Variants in CYYR1 observed in about 807,000 individuals in gnomAD.
CYYR1 encodes the protein cysteine and tyrosine rich 1, also known as cysteine and tyrosine-rich protein 1.
A neutral mutation model predicts 15.2 loss-of-function variants in CYYR1; 14 were observed. The observed-to-expected ratio is 0.92, with a 90% CI of 0.61 to 1.44. The LOEUF is 1.44. CYYR1 is among the 40% of genes most tolerant of loss of function. The pLI, the probability that CYYR1 is intolerant of heterozygous loss-of-function variation, is 0.00. For missense variants in CYYR1, 228 were observed against 209.5 expected (o/e 1.09, Z -0.54); for synonymous variants, 80 against 77.4 (o/e 1.03, Z -0.18).
intron 2 of CYYR1, among the ~76,000 whole-genome samples, chr21:26,560,692 G>A (rs1001626620): frequency 4.6e-5 from 7 of 152,066 alleles, no homozygotes; most frequent in African/African-American, 1.4e-4. Flanking sequence ...GAATTACCCT[G>A]CTTTAAGAGG....
At chr21:26,528,413 C>T (rs996618841) in intron 2 of CYYR1, among the ~76,000 whole-genome samples, 1 of 152,060 alleles carries the variant, frequency 6.6e-6, no homozygotes, top group East Asian at 1.9e-4. Context: ...GGAGTTCTTG[C>T]TCTGGTAGTT....
rs796368537 is a variant in CYYR1, at chr21:26,475,345, G to T, written c.334+4927C>A. 3.9e-5 allele frequency among the ~76,000 whole-genome samples: 6 copies of T among 152,116 alleles called. 1 individual carries two copies. Among genetic ancestry groups the T allele is most frequent in the African/African-American group, 1.4e-4 (6 of 41,508 alleles). ...CAAGTCTACAACTCATTGAAACTGT[G>T]TTTATGTACTTATTGCCTTACATAT... is the stretch of plus-strand genomic sequence containing the variant. On this transcript the variant is annotated intron_variant, in intron 3 of 3. Transcript: ENST00000652641.
At chr21:26,572,821 G>A in intron 1 of CYYR1, 47 bp downstream of exon 1, 2 of 1,607,272 alleles carry the variant, frequency 1.2e-6, no homozygotes, top group Non-Finnish European at 8.5e-7. Context: ...CGTGACCCAA[G>A]GGCAGCCCCG....
intron 2 of CYYR1, among the ~76,000 whole-genome samples, chr21:26,518,350 G>A (rs963389854): frequency 6.6e-6 from 1 of 152,204 alleles, no homozygotes; most frequent in South Asian, 2.1e-4. Flanking sequence ...AAGAGATGAG[G>A]AGGTCATGAA....
intron 2 of CYYR1, among the ~76,000 whole-genome samples, chr21:26,515,346 T>C (rs1197326208): frequency 6.6e-6 from 1 of 152,110 alleles, no homozygotes; most frequent in Non-Finnish European, 1.5e-5. Flanking sequence ...CCCTGATCTC[T>C]TTTTCTTTTT....
chr21:26,545,747 T>C (rs560678474), intron 2 of CYYR1, among the ~76,000 whole-genome samples: 4 of 151,014 alleles, frequency 2.6e-5, no homozygotes, highest in Non-Finnish European at 5.9e-5. Flanking sequence ...GCCCGGCTAA[T>C]TTTTTTTGTA....
chr21:26,567,408 A>AT (rs1318477425), intron 1 of CYYR1, among the ~76,000 whole-genome samples: 1 of 152,180 alleles, frequency 6.6e-6, no homozygotes, highest in African/African-American at 2.4e-5. Context: ...AGAAATTACT[A>AT]TTTTTTCCAT....
intron 2 of CYYR1, among the ~76,000 whole-genome samples, chr21:26,515,161 C>A (rs1251693883): frequency 6.6e-6 from 1 of 152,140 alleles, no homozygotes; most frequent in Non-Finnish European, 1.5e-5. Context: ...ATACTAGTTG[C>A]CCTAGGGAAT....
intron 2 of CYYR1, among the ~76,000 whole-genome samples, chr21:26,513,134 T>A (rs917071198): frequency 6.6e-6 from 1 of 152,234 alleles, no homozygotes; most frequent in Non-Finnish European, 1.5e-5. Context: ...GCTCAAATGT[T>A]GCTTTCACCA....
chr21:26,483,955 T>C (rs1309569116), intron 2 of CYYR1, among the ~76,000 whole-genome samples: 2 of 152,086 alleles, frequency 1.3e-5, no homozygotes, highest in African/African-American at 4.8e-5. Context: ...GTTGGGTAAA[T>C]AGGTCCTTAT....
intron 2 of CYYR1, among the ~76,000 whole-genome samples, chr21:26,492,056 A>G (rs2065336338): frequency 6.6e-6 from 1 of 152,184 alleles, no homozygotes; most frequent in African/African-American, 2.4e-5. Context: ...TGTCAGCCTG[A>G]TGTGATTGAT....
intron 2 of CYYR1, among the ~76,000 whole-genome samples, chr21:26,558,881 G>A (rs143956646): frequency 2.0e-5 from 3 of 152,222 alleles, no homozygotes; most frequent in Admixed American, 2.0e-4. Flanking sequence ...TTCTGATGGA[G>A]GTGTGGGTTG....
intron 2 of CYYR1, among the ~76,000 whole-genome samples, chr21:26,539,073 C>T (rs1734370137): frequency 6.6e-6 from 1 of 152,100 alleles, no homozygotes; most frequent in African/African-American, 2.4e-5. Flanking sequence ...GTCACAAAGT[C>T]ACAGGTACCA....
At chr21:26,545,762 T>C (rs1978931941) in intron 2 of CYYR1, among the ~76,000 whole-genome samples, 1 of 151,778 alleles carries the variant, frequency 6.6e-6, no homozygotes, top group Non-Finnish European at 1.5e-5. Context: ...TTTGTATTTT[T>C]TTAGTAGAGA....
At position 26,571,144 on chromosome 21, in the gene CYYR1, A is replaced by ATT. The variant is rs1980985065; in HGVS notation, c.73+1723_73+1724insAA. Reference sequence around the variant, plus strand: ...ATACCGTAGTTCCCAGAGAAGACTGATAAGAACATGACCTCTTACGGCTCA... The same window carrying ATT: ...ATACCGTAGTTCCCAGAGAAGACTGATTTAAGAACATGACCTCTTACGGCTCA... On this transcript the variant is annotated intron_variant, in intron 1 of 3. Transcript: ENST00000652641. Among the ~76,000 whole-genome samples, 10 of 152,364 alleles carry ATT rather than the reference A, an allele frequency of 6.6e-5. 1 individual carries two copies. In the South Asian group the frequency reaches 1.9e-3, roughly 28 times the overall value.
intron 2 of CYYR1, among the ~76,000 whole-genome samples, chr21:26,507,641 C>A (rs1451303474): frequency 6.6e-6 from 1 of 152,114 alleles, no homozygotes; most frequent in African/African-American, 2.4e-5. Context: ...ATAAATCAAT[C>A]TGGGGTGATA....
intron 2 of CYYR1, among the ~76,000 whole-genome samples, chr21:26,545,052 A>C (rs758501776): frequency 1.4e-4 from 22 of 152,360 alleles, no homozygotes; most frequent in Middle Eastern, 6.8e-3. Flanking sequence ...GAGTAGATTA[A>C]ATGTTTCAGA....
At chr21:26,562,609 C>G (rs1158378663) in intron 2 of CYYR1, among the ~76,000 whole-genome samples, 1 of 151,998 alleles carries the variant, frequency 6.6e-6, no homozygotes, top group African/African-American at 2.4e-5. Flanking sequence ...ACTTTGTATG[C>G]TAGAGTCTGT....
chr21:26,476,137 G>GA (rs1468379476), intron 3 of CYYR1, among the ~76,000 whole-genome samples: 1 of 152,082 alleles, frequency 6.6e-6, no homozygotes, highest in African/African-American at 2.4e-5. Flanking sequence ...ATTTCTTAAT[G>GA]AAGTATTTCC....
Sources: allele counts gnomAD v4.1 joint callset (sites outside exome capture counted in the v4.1 genomes callset), GRCh38; gene constraint gnomAD v4.1.1; transcripts MANE v1.5; gene names NCBI Gene and HGNC (gene_info 2026-07-23, HGNC 2026-07-21).